TGFBR3: variants seen among roughly 807,000 people sequenced by gnomAD.
TGFBR3 encodes the protein transforming growth factor beta receptor 3.
Under a neutral mutation model 87.9 loss-of-function variants are expected in TGFBR3, and 46 were observed. That is an observed-to-expected ratio of 0.52 (90% CI 0.41 to 0.67). TGFBR3 has a LOEUF of 0.67. Among genes scored for constraint, TGFBR3 ranks in the 30% least tolerant of loss-of-function variants. TGFBR3 has a pLI of 0.00. For missense variants in TGFBR3, 866 were observed against 1,041.9 expected, an observed-to-expected ratio of 0.83 and a Z score of 2.32; for synonymous variants, 381 against 391.6, an observed-to-expected ratio of 0.97 and a Z score of 0.32.
chr1:91,848,630 G>T (rs1398654647), intron 2 of TGFBR3, among the ~76,000 whole-genome samples: 1 of 152,140 alleles, frequency 6.6e-6, no homozygotes, highest in Non-Finnish European at 1.5e-5. Flanking sequence ...AAAATAGGTT[G>T]ACCTACAACT....
chr1:91,775,389 C>T (rs1187610067), intron 3 of TGFBR3, among the ~76,000 whole-genome samples: 1 of 152,258 alleles, frequency 6.6e-6, no homozygotes, highest in Non-Finnish European at 1.5e-5. Flanking sequence ...CTCTCATCTC[C>T]AACAAGCTGC....
intron 2 of TGFBR3, among the ~76,000 whole-genome samples, chr1:91,854,986 G>T (rs1427343557): frequency 6.6e-6 from 1 of 152,134 alleles, no homozygotes; most frequent in Non-Finnish European, 1.5e-5. Context: ...ATACAATATG[G>T]TATTATTAGC....
chr1:91,785,296 T>C (rs1183467612), intron 3 of TGFBR3, among the ~76,000 whole-genome samples: 1 of 152,224 alleles, frequency 6.6e-6, no homozygotes, highest in Non-Finnish European at 1.5e-5. Flanking sequence ...AGTAGATTAG[T>C]GGCTACCTTG....
chr1:91,799,351 C>T (rs758593058), intron 2 of TGFBR3, among the ~76,000 whole-genome samples: 1 of 152,186 alleles, frequency 6.6e-6, no homozygotes, highest in Non-Finnish European at 1.5e-5. Context: ...GGAAGATGTC[C>T]CGAGAGCAAC....
chr1:91,709,361 G>T (rs946478787), intron 13 of TGFBR3, among the ~76,000 whole-genome samples: 3 of 152,146 alleles, frequency 2.0e-5, no homozygotes, highest in Non-Finnish European at 4.4e-5. Context: ...GTAACACAAA[G>T]CTTATTTCAT....
chr1:91,800,050 T>C (rs182670548), intron 2 of TGFBR3, among the ~76,000 whole-genome samples: 4 of 151,522 alleles, frequency 2.6e-5, no homozygotes, highest in Non-Finnish European at 4.4e-5. Flanking sequence ...GAGAAAGCAA[T>C]GCATGGGGCA....
intron 6 of TGFBR3, chr1:91,728,054 G>C (rs2100804544): frequency 1.9e-6 from 1 of 537,056 alleles, no homozygotes; most frequent in Non-Finnish European, 3.3e-6. Context: ...TGATGGAAAA[G>C]AGGTGGTTAC....
At position 91,829,395 on chromosome 1, in the gene TGFBR3, C is replaced by A. The variant is rs199993766; in HGVS notation, c.62-31924G>T. ...GAAGGTCTTCAAAAAAACAAACAAA[C>A]AAAAAAAAAAAAACAAGGCATGGTG... On this transcript the variant is annotated intron_variant, in intron 2 of 16. Coordinates refer to ENST00000212355, the MANE Select transcript of TGFBR3 (RefSeq NM_003243.5). Among the ~76,000 whole-genome samples the A allele has an allele frequency of 8.5e-3, 1,186 of 140,260 alleles. 17 individuals are homozygous for A. The highest frequency in any genetic ancestry group is 0.027 in the African/African-American group (1,036 of 37,954). The allele number at this position is 140,260 out of a possible 152,430, so 92.0% of individuals were successfully genotyped here.
At chr1:91,787,818 G>A (rs1222084946) in intron 3 of TGFBR3, among the ~76,000 whole-genome samples, 1 of 152,080 alleles carries the variant, frequency 6.6e-6, no homozygotes, top group Non-Finnish European at 1.5e-5. Context: ...CGGGCGTGGT[G>A]GTGTGCGCCT....
intron 14 of TGFBR3, 101 bp from the exon 15 acceptor site, chr1:91,698,231 A>T: frequency 2.1e-6 from 2 of 969,096 alleles, no homozygotes; most frequent in Non-Finnish European, 1.7e-6. Context: ...TCCATTTGGT[A>T]ATAAATACTG....
intron 3 of TGFBR3, among the ~76,000 whole-genome samples, chr1:91,791,009 G>C (rs1321967052): frequency 6.6e-6 from 1 of 152,218 alleles, no homozygotes; most frequent in African/African-American, 2.4e-5. Flanking sequence ...ATTACATATA[G>C]ATAGGTAGGT....
chr1:91,706,430 C>T (rs1294765951), intron 14 of TGFBR3, among the ~76,000 whole-genome samples: 11 of 152,316 alleles, frequency 7.2e-5, no homozygotes, highest in South Asian at 2.1e-4. Context: ...AAGTATAATA[C>T]ATTAGCATGC....
chr1:91,865,804 C>T (rs923045826), intron 1 of TGFBR3, among the ~76,000 whole-genome samples: 2 of 151,332 alleles, frequency 1.3e-5, no homozygotes, highest in African/African-American at 2.4e-5. Context: ...CCCAGCTACT[C>T]GGGAGGCTGA....
At chr1:91,791,898 G>A (rs1013108699) in intron 3 of TGFBR3, among the ~76,000 whole-genome samples, 9 of 152,190 alleles carry the variant, frequency 5.9e-5, no homozygotes, top group African/African-American at 9.6e-5. Flanking sequence ...TCACCACTAC[G>A]GCTGCTAGTA....
intron 6 of TGFBR3, among the ~76,000 whole-genome samples, chr1:91,729,285 TAC>T (rs72204982): frequency 0.23 from 32,741 of 143,098 alleles, 4,127 homozygotes; most frequent in Non-Finnish European, 0.27. Flanking sequence ...TGCATGCGCA[TAC>T]ACACACACAC....
chr1:91,689,964 G>C (rs1671215805), intron 16 of TGFBR3, among the ~76,000 whole-genome samples: 1 of 151,610 alleles, frequency 6.6e-6, no homozygotes, highest in Non-Finnish European at 1.5e-5. Flanking sequence ...ACTTTTAAAG[G>C]CATAAACACA....
intron 2 of TGFBR3, among the ~76,000 whole-genome samples, chr1:91,838,910 T>C (rs566562200): frequency 1.1e-4 from 17 of 152,336 alleles, no homozygotes; most frequent in African/African-American, 4.1e-4. Context: ...TTGAAGGATA[T>C]GAAGAAATCT....
At chr1:91,797,022 C>T (rs943966806) in intron 3 of TGFBR3, among the ~76,000 whole-genome samples, 1 of 152,100 alleles carries the variant, frequency 6.6e-6, no homozygotes, top group African/African-American at 2.4e-5. Context: ...GCACCATCAC[C>T]ATGCCTGGCC....
chr1:91,771,878 G>C (rs1162793980), intron 3 of TGFBR3, among the ~76,000 whole-genome samples: 1 of 151,988 alleles, frequency 6.6e-6, no homozygotes, highest in Non-Finnish European at 1.5e-5. Flanking sequence ...AGTTTGATGG[G>C]GGCAGAGGGA....
Sources: allele counts gnomAD v4.1 joint callset (sites outside exome capture counted in the v4.1 genomes callset), GRCh38; gene constraint gnomAD v4.1.1; transcripts MANE v1.5; gene names NCBI Gene and HGNC (gene_info 2026-07-23, HGNC 2026-07-21).